The following RAPGEF6 variants were observed in gnomAD, a reference collection of about 807,000 sequenced individuals.
RAPGEF6 encodes Rap guanine nucleotide exchange factor 6.
In RAPGEF6, 56 loss-of-function variants were observed where a neutral mutation model predicts 171.4. The observed-to-expected ratio is 0.33, with a 90% CI of 0.26 to 0.41. The LOEUF (loss-of-function observed/expected upper bound fraction) is 0.41, where lower values mean the gene tolerates loss of function less well. Ranked by LOEUF, RAPGEF6 falls within the 10% of genes least tolerant of loss-of-function variation. The pLI is 1.00. For missense variants in RAPGEF6, 1,674 were observed against 1,921.4 expected (o/e 0.87, Z 2.41); for synonymous variants, 692 against 650.1 (o/e 1.06, Z -0.98).
At chr5:131,465,854 G>T (rs1754297218) in intron 17 of RAPGEF6, among the ~76,000 whole-genome samples, 1 of 152,024 alleles carries the variant, frequency 6.6e-6, no homozygotes, top group Admixed American at 6.6e-5. Context: ...ACTGCAGTGG[G>T]GGCAGGATGG....
chr5:131,448,532 G>A (rs1752863360), intron 21 of RAPGEF6, among the ~76,000 whole-genome samples: 1 of 152,104 alleles, frequency 6.6e-6, no homozygotes, highest in African/African-American at 2.4e-5. Context: ...GTAAAATCAA[G>A]TTGCAGCTAT....
At chr5:131,510,196 A>C in intron 8 of RAPGEF6, 118 bp downstream of exon 8, 1 of 1,121,472 alleles carries the variant, frequency 8.9e-7, no homozygotes, top group African/African-American at 1.6e-5. Flanking sequence ...CAAAAACTCT[A>C]AGATAATGGC....
intron 15 of RAPGEF6, among the ~76,000 whole-genome samples, chr5:131,488,349 T>C (rs1296452870): frequency 2.6e-5 from 4 of 152,184 alleles, no homozygotes; most frequent in African/African-American, 4.8e-5. Flanking sequence ...ATTAGATACT[T>C]AGAAGAAACC....
chr5:131,472,714 G>A lies in RAPGEF6; in HGVS notation c.2112C>T (p.Asp704=). Residue 704 remains aspartate (D), a synonymous_variant, in exon 17 of 28, where the codon GAC becomes GAT. Transcript: ENST00000509018. The part of the protein sequence containing the change: ...SDGGLSQSQD[D]SIVGTRHCRH... ...TACAGTGCCTTGTTCCCACAATGCT[G>A]TCATCTTGTGATTGGCTTAGGCCTC... The A allele has an allele frequency of 6.2e-7, 1 of 1,612,234 alleles. No individual in the cohort carries two copies. The highest frequency in any genetic ancestry group is 1.3e-5 in the African/African-American group (1 of 75,012).
chr5:131,581,335 C>T lies in RAPGEF6; in HGVS notation c.281+11048G>A, dbSNP rs368919484. Among the ~76,000 whole-genome samples, 27 of 152,314 alleles carry T rather than the reference C, an allele frequency of 1.8e-4. No homozygotes were observed. The East Asian group carries it at 3.7e-3, about 21-fold the overall frequency. ...AACTAATTACACTGGACCCACCTGGCTACTCTCTAACTGAGTATCCTGGCT... is the reference window on the plus strand; with the variant it reads ...AACTAATTACACTGGACCCACCTGGTTACTCTCTAACTGAGTATCCTGGCT... On this transcript the variant is annotated intron_variant, in intron 4 of 27. Coordinates refer to ENST00000509018, the MANE Select transcript of RAPGEF6 (RefSeq NM_016340.6).
chr5:131,489,705 C>T, intron 14 of RAPGEF6, 51 bp from the exon 15 acceptor site: 1 of 988,986 alleles, frequency 1.0e-6, no homozygotes, highest in African/African-American at 1.7e-5. Context: ...ATTAGTTACT[C>T]CTACAACCTT....
intron 6 of RAPGEF6, among the ~76,000 whole-genome samples, chr5:131,536,603 A>G (rs1759793421): frequency 6.6e-6 from 1 of 152,152 alleles, no homozygotes; most frequent in East Asian, 1.9e-4. Flanking sequence ...CTTAGGGAGT[A>G]ATAGAGGAAG....
At position 131,428,935 on chromosome 5, in the gene RAPGEF6, C is replaced by T. The variant is rs1561455999; in HGVS notation, c.4747G>A (p.Gly1583Arg). Residue 1583 changes from glycine (G) to arginine (R), a missense_variant, in exon 27 of 28, where the codon GGA becomes AGA. Transcript: ENST00000509018. Reference sequence around the variant, plus strand: ...TCGCTATCTGCATCAGTCACATCTCCTAGTTTAGGATGGAATGGCTGCAAA... The same window carrying T: ...TCGCTATCTGCATCAGTCACATCTCTTAGTTTAGGATGGAATGGCTGCAAA... ...HNLQPFHPKL[G>R]DVTDADSEAD... 2 of 1,614,172 alleles carry T rather than the reference C, an allele frequency of 1.2e-6. No homozygotes were observed. The highest frequency in any genetic ancestry group is 1.3e-5 in the African/African-American group (1 of 75,060).
chr5:131,440,220 A>G, intron 23 of RAPGEF6: 1 of 456,474 alleles, frequency 2.2e-6, no homozygotes, highest in Non-Finnish European at 4.4e-6. Context: ...CAAGAGCACT[A>G]AATTCACACT....
intron 4 of RAPGEF6, among the ~76,000 whole-genome samples, chr5:131,580,013 G>A (rs1001475452): frequency 3.3e-5 from 5 of 152,238 alleles, no homozygotes; most frequent in Admixed American, 6.5e-5. Context: ...AGAGCTGCTC[G>A]TCAGTCCCAA....
intron 1 of RAPGEF6, among the ~76,000 whole-genome samples, chr5:131,625,749 G>C (rs1049850956): frequency 1.3e-5 from 2 of 151,004 alleles, no homozygotes; most frequent in Non-Finnish European, 1.5e-5. Context: ...CCGGGAGGTG[G>C]AGCTTGCAGT....
At chr5:131,447,161 C>T (rs1420885268) in intron 21 of RAPGEF6, 1 of 157,402 alleles carries the variant, frequency 6.4e-6, no homozygotes, top group African/African-American at 2.4e-5. Flanking sequence ...ATGCTATTGC[C>T]ACTACCATTA....
At chr5:131,603,083 T>C (rs1413368903) in intron 3 of RAPGEF6, among the ~76,000 whole-genome samples, 188 bp downstream of exon 3, 2 of 152,218 alleles carry the variant, frequency 1.3e-5, no homozygotes, top group Non-Finnish European at 2.9e-5. Flanking sequence ...ACATTTAGTA[T>C]ATATTTATTA....
chr5:131,521,166 C>T (rs556929921), intron 7 of RAPGEF6, among the ~76,000 whole-genome samples: 1 of 152,270 alleles, frequency 6.6e-6, no homozygotes, highest in South Asian at 2.1e-4. Flanking sequence ...AAAGAGAACA[C>T]TAGATTCATA....
intron 6 of RAPGEF6, among the ~76,000 whole-genome samples, chr5:131,530,915 A>G (rs930053849): frequency 6.6e-6 from 1 of 152,216 alleles, no homozygotes; most frequent in Non-Finnish European, 1.5e-5. Flanking sequence ...AGTATAGTGC[A>G]GCTATCAAGC....
At chr5:131,516,019 G>T in intron 7 of RAPGEF6, among the ~76,000 whole-genome samples, 1 of 136,790 alleles carries the variant, frequency 7.3e-6, no homozygotes, top group Non-Finnish European at 1.6e-5. Context: ...GATGATAACA[G>T]ATTTTGACTA....
intron 7 of RAPGEF6, among the ~76,000 whole-genome samples, chr5:131,520,040 A>G (rs1406398650): frequency 6.6e-6 from 1 of 152,248 alleles, no homozygotes; most frequent in African/African-American, 2.4e-5. Context: ...AGGGAGATAT[A>G]GATGACCACA....
chr5:131,456,037 T>C (rs1378329465), intron 19 of RAPGEF6, 25 bp from the exon 20 acceptor site: 1 of 1,598,572 alleles, frequency 6.3e-7, no homozygotes, highest in South Asian at 1.1e-5. Context: ...AATAGAAACA[T>C]TAAAAAGAAA....
intron 17 of RAPGEF6, 163 bp from the exon 18 acceptor site, chr5:131,464,444 C>CTTT (rs374880967): frequency 6.4e-6 from 3 of 465,344 alleles, no homozygotes; most frequent in Non-Finnish European, 1.1e-5. Flanking sequence ...TAAATATATC[C>CTTT]TTTTTTTTTT....
Sources: gnomAD v4.1 joint callset for allele counts (sites outside exome capture counted in the v4.1 genomes callset) on GRCh38, gnomAD v4.1.1 for gene constraint, MANE v1.5 for transcripts, NCBI Gene and HGNC (gene_info 2026-07-23, HGNC 2026-07-21) for gene names.